The following EYS variants were observed in gnomAD, a reference collection of about 807,000 sequenced individuals.
EYS encodes EGF-like photoreceptor maintenance factor.
EYS carries 250 observed loss-of-function variants against 282.1 expected under a neutral mutation model. The ratio of observed to expected loss-of-function variants is 0.89; its 90% confidence interval spans 0.80 to 0.98. EYS has a LOEUF of 0.98. EYS is among the 50% of genes least tolerant of loss of function. The probability of loss-of-function intolerance (pLI) is 0.00; values close to 1 mark genes in which losing one functional copy is unlikely to be tolerated. For synonymous variants in EYS, 1,355 were observed against 1,282.9 expected (o/e 1.06, Z -1.20); for missense variants, 4,016 against 3,709.0 (o/e 1.08, Z -2.15).
chr6:65,402,609 G>T lies in EYS; in HGVS notation c.1057-4C>A. Reference sequence around the variant, plus strand: ...GTGAACAGATGCACATAACATCCTAGGAAAGATTAAAAAAATATTTTTACA... The same window carrying T: ...GTGAACAGATGCACATAACATCCTATGAAAGATTAAAAAAATATTTTTACA... On this transcript the variant is annotated splice_polypyrimidine_tract_variant and splice_region_variant and intron_variant, in intron 6 of 42. Transcript: ENST00000503581. 3 of 1,564,750 alleles carry T rather than the reference G, an allele frequency of 1.9e-6. No individual in the cohort carries two copies. The highest frequency in any genetic ancestry group is 2.2e-5 in the South Asian group (2 of 89,336).
At chr6:64,159,410 A>G (rs1266590335) in intron 31 of EYS, among the ~76,000 whole-genome samples, 1 of 151,848 alleles carries the variant, frequency 6.6e-6, no homozygotes, top group Non-Finnish European at 1.5e-5. Context: ...AATATAAAAA[A>G]TTAGCCAGGT....
chr6:65,324,548 G>A (rs543875669), intron 11 of EYS, among the ~76,000 whole-genome samples: 3 of 152,308 alleles, frequency 2.0e-5, no homozygotes, highest in African/African-American at 7.2e-5. Flanking sequence ...AGATTGGAAT[G>A]AGTCAAAGCC....
intron 33 of EYS, among the ~76,000 whole-genome samples, chr6:64,013,774 T>C (rs1768757239): frequency 6.6e-6 from 1 of 152,098 alleles, no homozygotes; most frequent in Non-Finnish European, 1.5e-5. Context: ...TTAGGAAAGC[T>C]GAAAAGCTCA....
chr6:64,682,920 C>T (rs1254207734), intron 22 of EYS, among the ~76,000 whole-genome samples: 1 of 152,170 alleles, frequency 6.6e-6, no homozygotes, highest in Non-Finnish European at 1.5e-5. Flanking sequence ...CTTCCTGACC[C>T]ATATGGATTC....
intron 19 of EYS, among the ~76,000 whole-genome samples, chr6:64,829,373 A>G (rs1765150619): frequency 6.6e-6 from 1 of 151,952 alleles, no homozygotes; most frequent in Non-Finnish European, 1.5e-5. Context: ...AGAATTAGTT[A>G]GGTACTGCTT....
At chr6:63,935,256 C>T (rs1295108475) in intron 35 of EYS, among the ~76,000 whole-genome samples, 3 of 152,230 alleles carry the variant, frequency 2.0e-5, no homozygotes, top group Non-Finnish European at 2.9e-5. Context: ...TAGCCTGATA[C>T]ATAGCATGCT....
At chr6:64,660,739 G>A (rs1235788337) in intron 22 of EYS, among the ~76,000 whole-genome samples, 4 of 152,134 alleles carry the variant, frequency 2.6e-5, no homozygotes, top group Admixed American at 6.6e-5. Context: ...AATAAAAGAG[G>A]ACAGAAACAA....
chr6:64,966,824 G>A, intron 14 of EYS, among the ~76,000 whole-genome samples: 1 of 152,052 alleles, frequency 6.6e-6, no homozygotes, highest in East Asian at 1.9e-4. Context: ...AATTGCATCT[G>A]CAAAATCCCT....
chr6:64,106,101 ATTTGTTGCC>A (rs1407698825), intron 31 of EYS, among the ~76,000 whole-genome samples: 2 of 152,072 alleles, frequency 1.3e-5, no homozygotes, highest in Non-Finnish European at 2.9e-5. Context: ...GGTATTTTCT[ATTTGTTGCC>A]TTTGTCCTTT....
intron 12 of EYS, among the ~76,000 whole-genome samples, chr6:65,142,479 AACAC>A (rs71268364): frequency 0.014 from 1,866 of 134,938 alleles, 29 homozygotes; most frequent in African/African-American, 0.025. Context: ...AGAAATACAA[AACAC>A]ACACACACAC....
chr6:65,015,459 T>G (rs1772012699), intron 13 of EYS, among the ~76,000 whole-genome samples: 1 of 152,300 alleles, frequency 6.6e-6, no homozygotes, highest in East Asian at 1.9e-4. Context: ...ATTGAGGAAC[T>G]GTTGAAAGCT....
chr6:63,937,642 A>G (rs2149755749), intron 35 of EYS, among the ~76,000 whole-genome samples: 1 of 151,684 alleles, frequency 6.6e-6, no homozygotes, highest in African/African-American at 2.4e-5. Context: ...CGGCCTCCCA[A>G]AGGGCTGGGA....
At chr6:64,479,724 G>C (rs966999683) in intron 26 of EYS, among the ~76,000 whole-genome samples, 2 of 151,890 alleles carry the variant, frequency 1.3e-5, no homozygotes, top group African/African-American at 4.8e-5. Context: ...GTACTGACAT[G>C]CTATTAGATA....
intron 2 of EYS, among the ~76,000 whole-genome samples, chr6:65,572,140 G>A (rs868804824): frequency 3.3e-5 from 5 of 151,908 alleles, no homozygotes; most frequent in Admixed American, 1.3e-4. Context: ...AGAATATGGC[G>A]TTTAATTATT....
intron 22 of EYS, among the ~76,000 whole-genome samples, chr6:64,643,427 T>C (rs1210156203): frequency 6.6e-6 from 1 of 152,190 alleles, no homozygotes; most frequent in Non-Finnish European, 1.5e-5. Context: ...GTGGTATGTA[T>C]GGTCATCCTA....
chr6:64,819,093 GA>G (rs967405992), intron 21 of EYS, among the ~76,000 whole-genome samples: 92 of 152,122 alleles, frequency 6.0e-4, no homozygotes, highest in Middle Eastern at 3.4e-3. Flanking sequence ...CTTTAGCCTT[GA>G]AAAACAGTTC....
intron 16 of EYS, among the ~76,000 whole-genome samples, chr6:64,907,007 C>A (rs57637555): frequency 0.056 from 8,533 of 152,038 alleles, 398 homozygotes; most frequent in African/African-American, 0.13. Flanking sequence ...TATTTGAAGT[C>A]GTCTTTACCT....
chr6:65,282,248 A>G (rs1241133308), intron 12 of EYS, among the ~76,000 whole-genome samples: 2 of 152,060 alleles, frequency 1.3e-5, no homozygotes, highest in African/African-American at 2.4e-5. Flanking sequence ...CATCACAAAC[A>G]TATTAAATAT....
At chr6:65,096,942 C>T (rs1445573315) in intron 12 of EYS, among the ~76,000 whole-genome samples, 1 of 150,806 alleles carries the variant, frequency 6.6e-6, no homozygotes, top group Non-Finnish European at 1.5e-5. Flanking sequence ...GCCCTATCAA[C>T]ATTTCTTGGA....
Sources: allele counts gnomAD v4.1 joint callset (sites outside exome capture counted in the v4.1 genomes callset), GRCh38; gene constraint gnomAD v4.1.1; transcripts MANE v1.5; gene names NCBI Gene and HGNC (gene_info 2026-07-23, HGNC 2026-07-21).